The following ABCA12 variants were observed in gnomAD, a reference collection of about 807,000 sequenced individuals.
The protein encoded by ABCA12 is glucosylceramide transporter ABCA12.
ABCA12 carries 156 observed loss-of-function variants against 293.5 expected under a neutral mutation model. The observed-to-expected ratio is 0.53, with a 90% CI of 0.47 to 0.61. ABCA12 has a LOEUF of 0.61. ABCA12 is among the 20% of genes least tolerant of loss of function. The pLI is 0.00. For missense variants in ABCA12, 2,797 were observed against 3,090.2 expected, an observed-to-expected ratio of 0.91 and a Z score of 2.25; for synonymous variants, 1,063 against 1,108.0, an observed-to-expected ratio of 0.96 and a Z score of 0.81.
chr2:215,027,187 T>TA (rs903166182), intron 9 of ABCA12, among the ~76,000 whole-genome samples: 27 of 150,874 alleles, frequency 1.8e-4, no homozygotes, highest in East Asian at 5.8e-4. Flanking sequence ...CCATTAAAAA[T>TA]AAAAAAAAAT....
In ABCA12 at chr2:215,015,588, C is replaced by A; in HGVS notation, c.1858G>T (p.Glu620Ter). The A allele has an allele frequency of 6.2e-7, 1 of 1,614,036 alleles. No homozygotes were observed. The highest frequency in any genetic ancestry group is 2.2e-5 in the East Asian group (1 of 44,860). The change falls in exon 15 of 53, where the codon GAA becomes TAA. Residue 620 changes from glutamate to a stop codon, truncating the protein, a stop_gained. Transcript: ENST00000272895. LOFTEE classifies it high-confidence loss of function. The part of the protein sequence containing the change: ...TTPKLEDAMK[E>*]FCNLSLSERS... ...TCTGAAAGAGACAGGTTGCAGAATT[C>A]TTTCATTGCATCTTCTAGTTTGGGA... is the stretch of plus-strand genomic sequence containing the variant.
At chr2:215,061,372 T>C (rs1397264987) in intron 3 of ABCA12, among the ~76,000 whole-genome samples, 2 of 152,028 alleles carry the variant, frequency 1.3e-5, no homozygotes, top group Non-Finnish European at 2.9e-5. Context: ...GATCATGTCT[T>C]TCAGAAGAGC....
intron 18 of ABCA12, among the ~76,000 whole-genome samples, chr2:215,008,209 C>T (rs1700295105): frequency 6.6e-6 from 1 of 152,136 alleles, no homozygotes; most frequent in South Asian, 2.1e-4. Context: ...AGGATATTCT[C>T]ACGTATTGCT....
At chr2:214,962,425 T>A (rs1302965320) in intron 39 of ABCA12, 4 of 152,118 alleles carry the variant, frequency 2.6e-5, no homozygotes, top group Admixed American at 1.3e-4. Flanking sequence ...CATCAATATT[T>A]CATATAAAGC....
At chr2:215,087,487 C>CGT (rs3050135) in intron 2 of ABCA12, among the ~76,000 whole-genome samples, 4,801 of 149,546 alleles carry the variant, frequency 0.032, 233 homozygotes, top group African/African-American at 0.1. Context: ...ATACAGGCTT[C>CGT]GTGTGTGTGT....
intron 8 of ABCA12, among the ~76,000 whole-genome samples, chr2:215,034,668 T>A (rs575286970): frequency 6.6e-6 from 1 of 152,314 alleles, no homozygotes; most frequent in African/African-American, 2.4e-5. Context: ...CTAATCTCAG[T>A]TTGGCCACTT....
chr2:215,070,477 C>T (rs1378676969), intron 2 of ABCA12, among the ~76,000 whole-genome samples: 2 of 150,914 alleles, frequency 1.3e-5, no homozygotes, highest in African/African-American at 4.9e-5. Context: ...TGTGCTGCAC[C>T]CATTAACTCG....
chr2:215,037,866 G>T (rs987145806), intron 7 of ABCA12, among the ~76,000 whole-genome samples: 1 of 152,154 alleles, frequency 6.6e-6, no homozygotes, highest in Non-Finnish European at 1.5e-5. Flanking sequence ...TGTATCAACA[G>T]TTGAGTCAAT....
chr2:215,045,736 G>T, intron 7 of ABCA12, 101 bp downstream of exon 7: 1 of 1,071,896 alleles, frequency 9.3e-7, no homozygotes. Flanking sequence ...TATTTGCTCT[G>T]TGTTTAAATA....
At chr2:214,974,708 C>A in intron 35 of ABCA12, 70 bp downstream of exon 35, 1 of 1,395,186 alleles carries the variant, frequency 7.2e-7, no homozygotes, top group Non-Finnish European at 1.0e-6. Flanking sequence ...GACACACACA[C>A]CCACATACAC....
chr2:215,093,609 C>T (rs919345484), intron 2 of ABCA12, among the ~76,000 whole-genome samples: 6 of 152,356 alleles, frequency 3.9e-5, no homozygotes, highest in East Asian at 1.9e-4. Flanking sequence ...TGTCTGCGTG[C>T]GGCAGCTGCC....
intron 8 of ABCA12, 39 bp downstream of exon 8, chr2:215,036,914 T>C: frequency 1.3e-6 from 2 of 1,559,128 alleles, no homozygotes; most frequent in Non-Finnish European, 1.8e-6. Context: ...ATGGGCTTTG[T>C]GACACTGAAT....
At chr2:214,987,284 A>C in intron 27 of ABCA12, among the ~76,000 whole-genome samples, 1 of 152,200 alleles carries the variant, frequency 6.6e-6, no homozygotes, top group East Asian at 1.9e-4. Context: ...GTGATGGGTT[A>C]TGCTAAATTA....
At chr2:214,977,756 AAATT>A (rs1329340169) in intron 33 of ABCA12, among the ~76,000 whole-genome samples, 1 of 152,178 alleles carries the variant, frequency 6.6e-6, no homozygotes, top group African/African-American at 2.4e-5. Flanking sequence ...CATCAAGTCC[AAATT>A]AATTAACTCA....
chr2:214,956,571 T>C (rs960032296), intron 42 of ABCA12, 92 bp downstream of exon 42: 3 of 918,822 alleles, frequency 3.3e-6, no homozygotes, highest in Admixed American at 2.0e-5. Context: ...CCCAAGACAA[T>C]TGTAATTTAG....
chr2:214,983,661 G>A lies in ABCA12; in HGVS notation c.4368C>T (p.His1456=), dbSNP rs144653752. 6.6e-4 allele frequency: 1,062 copies of A among 1,613,862 alleles called. 3 individuals carry two copies. The African/African-American group carries it at 0.012, about 18-fold the overall frequency. ...KVPHWTKKQL[H]EEVKRTLKDT... ...TCTTAACTTGCCTTTTTACTTCCTC[G>A]TGGAGCTGCTTTTTAGTCCAGTGAG... Residue 1456 remains histidine (H), a synonymous_variant, in exon 29 of 53, where the codon CAC becomes CAT. Transcript: ENST00000272895.
At chr2:215,134,291 T>TATGTAC (rs1703130429) in intron 1 of ABCA12, among the ~76,000 whole-genome samples, 1 of 148,256 alleles carries the variant, frequency 6.7e-6, no homozygotes, top group Admixed American at 6.8e-5. Flanking sequence ...TATATATGTA[T>TATGTAC]ATGTACATAT....
At chr2:215,026,645 T>C (rs1004404523) in intron 10 of ABCA12, among the ~76,000 whole-genome samples, 175 bp downstream of exon 10, 18 of 152,226 alleles carry the variant, frequency 1.2e-4, no homozygotes, top group African/African-American at 4.3e-4. Context: ...AATAATATGA[T>C]ATTATGACAA....
intron 29 of ABCA12, among the ~76,000 whole-genome samples, chr2:214,982,712 G>A (rs1392745306): frequency 6.6e-6 from 1 of 152,144 alleles, no homozygotes; most frequent in African/African-American, 2.4e-5. Flanking sequence ...GTGCCAGGCT[G>A]TGTTTTATGT....
Sources: gnomAD v4.1 joint callset for allele counts (sites outside exome capture counted in the v4.1 genomes callset) on GRCh38, gnomAD v4.1.1 for gene constraint, MANE v1.5 for transcripts, NCBI Gene and HGNC (gene_info 2026-07-23, HGNC 2026-07-21) for gene names.